Variants in FBXL17 observed in about 807,000 individuals in gnomAD.
FBXL17 encodes F-box/LRR-repeat protein 17.
FBXL17 carries 22 observed loss-of-function variants against 66.2 expected under a neutral mutation model. That is an observed-to-expected ratio of 0.33 (90% CI 0.24 to 0.47). The LOEUF is 0.47. Ranked by LOEUF, FBXL17 falls within the 20% of genes least tolerant of loss-of-function variation. The pLI, the probability that FBXL17 is intolerant of heterozygous loss-of-function variation, is 1.00. For synonymous variants in FBXL17, 474 were observed against 400.5 expected, an observed-to-expected ratio of 1.18 and a Z score of -2.19; for missense variants, 878 against 948.2, an observed-to-expected ratio of 0.93 and a Z score of 0.97.
intron 6 of FBXL17, among the ~76,000 whole-genome samples, chr5:108,053,195 T>C (rs185471646): frequency 8.6e-5 from 13 of 151,972 alleles, no homozygotes; most frequent in Admixed American, 8.5e-4. Flanking sequence ...AAATGACAAA[T>C]GGGATCTAAT....
intron 4 of FBXL17, among the ~76,000 whole-genome samples, chr5:108,271,490 T>C (rs564950323): frequency 2.6e-5 from 4 of 152,232 alleles, no homozygotes; most frequent in Admixed American, 2.6e-4. Context: ...AGACTCAAAC[T>C]CTGGAGAAAA....
rs113235312 is a variant in FBXL17, at chr5:108,096,902, G to C, written c.1746-75901C>G. ...TAAAAGTCCCCTATGGTGTGTTGAA[G>C]AGTGAAAGAGTGGTACACATGTAAA... On this transcript the variant is annotated intron_variant, in intron 6 of 8. Coordinates refer to ENST00000542267, the MANE Select transcript of FBXL17 (RefSeq NM_001163315.3). Among the ~76,000 whole-genome samples, 640 of 152,314 alleles carry C rather than the reference G, an allele frequency of 4.2e-3. 4 individuals are homozygous for C. The highest frequency in any genetic ancestry group is 0.015 in the African/African-American group (612 of 41,566).
chr5:108,029,219 TG>T (rs1754940527), intron 6 of FBXL17, among the ~76,000 whole-genome samples: 1 of 152,090 alleles, frequency 6.6e-6, no homozygotes, highest in African/African-American at 2.4e-5. Flanking sequence ...CATGACTTCT[TG>T]TTATTTTTTA....
intron 6 of FBXL17, among the ~76,000 whole-genome samples, 175 bp from the exon 7 acceptor site, chr5:108,021,176 T>C (rs941675739): frequency 4.6e-5 from 7 of 151,782 alleles, no homozygotes; most frequent in African/African-American, 7.2e-5. Flanking sequence ...TAAATGACTT[T>C]ATTTAAATAC....
chr5:107,870,399 C>A (rs999998101), intron 8 of FBXL17, among the ~76,000 whole-genome samples: 1 of 152,106 alleles, frequency 6.6e-6, no homozygotes, highest in South Asian at 2.1e-4. Flanking sequence ...AATGGACTGG[C>A]TTCCTCTTCT....
chr5:108,344,461 A>G (rs554115462), intron 4 of FBXL17, among the ~76,000 whole-genome samples: 14 of 152,326 alleles, frequency 9.2e-5, no homozygotes, highest in Admixed American at 2.0e-4. Context: ...GTAATCTATA[A>G]TAGTTTACAG....
chr5:108,285,008 C>T lies in FBXL17; in HGVS notation c.1507-60780G>A, dbSNP rs535768135. 8.6e-5 allele frequency among the ~76,000 whole-genome samples: 13 copies of T among 152,010 alleles called. No individual in the cohort carries two copies. The South Asian group carries it at 1.4e-3, about 17-fold the overall frequency. ...TAAATCCTCTCAAATCCTGCCACTG[C>T]TTTATGAACTCAATTTACATAATAT... On this transcript the variant is annotated intron_variant, in intron 4 of 8. Coordinates refer to ENST00000542267, the MANE Select transcript of FBXL17 (RefSeq NM_001163315.3).
chr5:108,363,151 T>C (rs935165755), intron 3 of FBXL17, among the ~76,000 whole-genome samples: 2 of 152,026 alleles, frequency 1.3e-5, no homozygotes, highest in Non-Finnish European at 2.9e-5. Context: ...AAAATTAATT[T>C]AGTGAGTGGG....
chr5:108,026,823 T>C (rs1754844052), intron 6 of FBXL17, among the ~76,000 whole-genome samples: 1 of 152,186 alleles, frequency 6.6e-6, no homozygotes, highest in African/African-American at 2.4e-5. Flanking sequence ...GCTACAAAAT[T>C]AGAAAAGCAG....
chr5:107,950,143 G>C (rs1267393050), intron 7 of FBXL17, among the ~76,000 whole-genome samples: 1 of 152,132 alleles, frequency 6.6e-6, no homozygotes, highest in African/African-American at 2.4e-5. Flanking sequence ...GTTGAAGAAG[G>C]GGAACATTAG....
chr5:108,033,928 A>G (rs1444843702), intron 6 of FBXL17, among the ~76,000 whole-genome samples: 1 of 152,226 alleles, frequency 6.6e-6, no homozygotes, highest in Non-Finnish European at 1.5e-5. Flanking sequence ...AATATTTTTA[A>G]AGTAATTCAT....
chr5:108,033,646 G>A (rs529045232), intron 6 of FBXL17, among the ~76,000 whole-genome samples: 42 of 152,242 alleles, frequency 2.8e-4, no homozygotes, highest in Non-Finnish European at 2.6e-4. Context: ...TAGTACACAC[G>A]TAGTAGGTGC....
rs191119168 is a variant in FBXL17 at position 108,257,769 on chromosome 5, A to T, written c.1507-33541T>A. On this transcript the variant is annotated intron_variant, in intron 4 of 8. Transcript: ENST00000542267. Reference sequence around the variant, plus strand: ...TGATAATGTCTTCCATAAGGATTTAAATGGGCAAAATGATCTTAAATTGTT... The same window carrying T: ...TGATAATGTCTTCCATAAGGATTTATATGGGCAAAATGATCTTAAATTGTT... 2.8e-4 allele frequency among the ~76,000 whole-genome samples: 43 copies of T among 152,290 alleles called. No homozygotes were observed. In the South Asian group the frequency reaches 7.1e-3, roughly 25 times the overall value.
chr5:108,099,719 G>C (rs577937859), intron 6 of FBXL17, among the ~76,000 whole-genome samples: 1 of 152,268 alleles, frequency 6.6e-6, no homozygotes, highest in Admixed American at 6.5e-5. Flanking sequence ...CAAAACAGAA[G>C]GAAGGTCAGA....
intron 7 of FBXL17, among the ~76,000 whole-genome samples, chr5:107,899,573 G>A (rs1749498206): frequency 6.6e-6 from 1 of 152,132 alleles, no homozygotes; most frequent in African/African-American, 2.4e-5. Flanking sequence ...GGAGTTCAAG[G>A]CTGCAGTGAG....
At chr5:108,181,684 A>G (rs1250156975) in intron 6 of FBXL17, among the ~76,000 whole-genome samples, 2 of 152,212 alleles carry the variant, frequency 1.3e-5, no homozygotes, top group Non-Finnish European at 2.9e-5. Flanking sequence ...CTTTATTAAA[A>G]CTAGCAACAT....
chr5:107,974,950 T>A (rs1752521934), intron 7 of FBXL17, among the ~76,000 whole-genome samples: 1 of 152,120 alleles, frequency 6.6e-6, no homozygotes, highest in Non-Finnish European at 1.5e-5. Flanking sequence ...TTCTCCCCAT[T>A]TAGTTTTCTG....
intron 7 of FBXL17, among the ~76,000 whole-genome samples, chr5:107,887,273 G>A (rs1749005296): frequency 6.6e-6 from 1 of 152,196 alleles, no homozygotes; most frequent in South Asian, 2.1e-4. Context: ...GAATTAAGTA[G>A]AGGACTACAA....
Position 107,865,726 on chromosome 5 carries a change from C to A in FBXL17, c.1966-3866G>T, listed in dbSNP as rs1409196603. Among the ~76,000 whole-genome samples, 16 of 152,306 alleles carry A rather than the reference C, an allele frequency of 1.1e-4. No individual in the cohort carries two copies. The South Asian group carries it at 1.7e-3, about 16-fold the overall frequency. ...AATGCAAATATTTCATTTTAGAGCT[C>A]TGTTGCGTAGAAGTTATTCAGGGGA... On this transcript the variant is annotated intron_variant, in intron 8 of 8. Transcript: ENST00000542267.
Sources: allele counts gnomAD v4.1 joint callset (sites outside exome capture counted in the v4.1 genomes callset), GRCh38; gene constraint gnomAD v4.1.1; transcripts MANE v1.5; gene names NCBI Gene and HGNC (gene_info 2026-07-23, HGNC 2026-07-21).